Variants in TFAP2D observed in about 807,000 individuals in gnomAD.
TFAP2D encodes transcription factor AP-2 delta.
A neutral mutation model predicts 43.6 loss-of-function variants in TFAP2D; 9 were observed. That is an observed-to-expected ratio of 0.21 (90% CI 0.12 to 0.36). TFAP2D has a LOEUF of 0.36. Ranked by LOEUF, TFAP2D falls within the 10% of genes least tolerant of loss-of-function variation. The pLI, the probability that TFAP2D is intolerant of heterozygous loss-of-function variation, is 1.00. For synonymous variants in TFAP2D, 256 were observed against 224.9 expected (o/e 1.14, Z -1.24); for missense variants, 513 against 561.4 (o/e 0.91, Z 0.87).
chr6:50,759,269 A>C (rs770901441), intron 7 of TFAP2D, among the ~76,000 whole-genome samples: 4 of 151,946 alleles, frequency 2.6e-5, no homozygotes, highest in Admixed American at 6.6e-5. Context: ...ACTTGGAATT[A>C]ATTGTCAGGG....
intron 7 of TFAP2D, among the ~76,000 whole-genome samples, chr6:50,770,547 C>A (rs1451271045): frequency 6.6e-6 from 1 of 152,132 alleles, no homozygotes; most frequent in Non-Finnish European, 1.5e-5. Context: ...CCAACAATCT[C>A]TATCATTTAT....
rs561729022 is a variant in TFAP2D at position 50,741,620 on chromosome 6, A to G, written c.884-3487A>G. ...AGAAATACCATTCTATCCTACTTCT[A>G]AAATATGTAATTATTGAAATGATAT... is the stretch of plus-strand genomic sequence containing the variant. On this transcript the variant is annotated intron_variant, in intron 5 of 7. Coordinates refer to ENST00000008391, the MANE Select transcript of TFAP2D (RefSeq NM_172238.4). Among the ~76,000 whole-genome samples, 5 of 152,230 alleles carry G rather than the reference A, an allele frequency of 3.3e-5. No homozygotes were observed. The East Asian group carries it at 9.6e-4, about 29-fold the overall frequency.
Position 50,728,942 on chromosome 6 carries a change from G to C in TFAP2D, c.685G>C (p.Val229Leu), listed in dbSNP as rs768344141. 3.7e-6 allele frequency: 6 copies of C among 1,613,884 alleles called. No individual in the cohort carries two copies. The South Asian group carries it at 6.6e-5, about 18-fold the overall frequency. Reference sequence around the variant, plus strand: ...TCTTAGTTCTACTTCCAAATACAAGGTGACCATTGCTGAGGTAAAGAGGCG... The same window carrying C: ...TCTTAGTTCTACTTCCAAATACAAGCTGACCATTGCTGAGGTAAAGAGGCG... ...SLLSSTSKYKVTIAEVKRRLS... is the reference protein window; with the variant it reads ...SLLSSTSKYKLTIAEVKRRLS... Residue 229 changes from valine (V) to leucine (L), a missense_variant, in exon 4 of 8, where the codon GTG becomes CTG. By Grantham distance (32) the Val-to-Leu change is conservative. Coordinates refer to ENST00000008391, the MANE Select transcript of TFAP2D (RefSeq NM_172238.4).
Position 50,772,980 on chromosome 6 carries a change from T to G in TFAP2D, c.*116T>G. On this transcript the variant is annotated 3_prime_UTR_variant, in exon 8 of 8. Coordinates refer to ENST00000008391, the MANE Select transcript of TFAP2D (RefSeq NM_172238.4). ...CCAAATCTCTACCCTTCCCCAACCC[T>G]CCATAAAAAAACAAAAATGGAAATG... The G allele has an allele frequency of 1.2e-6, 1 of 814,690 alleles. No individual in the cohort carries two copies. The highest frequency in any genetic ancestry group is 1.6e-6 in the Non-Finnish European group (1 of 609,220). The allele number at this position is 814,690 out of a possible 1,614,324, so 50.5% of individuals were successfully genotyped here.
intron 1 of TFAP2D, among the ~76,000 whole-genome samples, chr6:50,714,641 T>A (rs1375736917): frequency 6.6e-6 from 1 of 152,156 alleles, no homozygotes; most frequent in Non-Finnish European, 1.5e-5. Flanking sequence ...CATCTCGGCA[T>A]AGACAGGCGC....
chr6:50,764,280 G>T (rs1253887024), intron 7 of TFAP2D, among the ~76,000 whole-genome samples: 1 of 151,918 alleles, frequency 6.6e-6, no homozygotes, highest in African/African-American at 2.4e-5. Context: ...TTATACTATT[G>T]CCAGCTTTAA....
At chr6:50,728,032 G>A (rs547468361) in intron 3 of TFAP2D, among the ~76,000 whole-genome samples, 45 of 152,244 alleles carry the variant, frequency 3.0e-4, no homozygotes, top group African/African-American at 9.1e-4. Flanking sequence ...CTGGAGCTTG[G>A]AGACAGAAAG....
At chr6:50,737,758 G>C (rs79882599) in intron 5 of TFAP2D, among the ~76,000 whole-genome samples, 7,630 of 151,996 alleles carry the variant, frequency 0.05, 645 homozygotes, top group African/African-American at 0.17. Context: ...CTTTTAAAAA[G>C]TCGTGGTATT....
chr6:50,759,518 C>T (rs1457284618), intron 7 of TFAP2D, among the ~76,000 whole-genome samples: 1 of 152,002 alleles, frequency 6.6e-6, no homozygotes, highest in Non-Finnish European at 1.5e-5. Context: ...TCAACTTGCT[C>T]ATCTTAAAAC....
At chr6:50,742,954 AACACACACACAC>A (rs3060372) in intron 5 of TFAP2D, among the ~76,000 whole-genome samples, 4,552 of 139,690 alleles carry the variant, frequency 0.033, 233 homozygotes, top group African/African-American at 0.11. Flanking sequence ...ACGACTTTAA[AACACACACACAC>A]ACACACACAC....
At chr6:50,769,276 G>A (rs1242853531) in intron 7 of TFAP2D, among the ~76,000 whole-genome samples, 1 of 152,136 alleles carries the variant, frequency 6.6e-6, no homozygotes, top group Non-Finnish European at 1.5e-5. Context: ...CTCTTAAATT[G>A]AAGCTTAGAG....
intron 2 of TFAP2D, among the ~76,000 whole-genome samples, chr6:50,715,992 C>G (rs1341947830): frequency 1.1e-4 from 16 of 152,036 alleles, no homozygotes; most frequent in Admixed American, 1.0e-3. Context: ...GTTGGGCCAA[C>G]CGGACTCAGA....
chr6:50,747,317 A>G (rs1014711073), intron 6 of TFAP2D, among the ~76,000 whole-genome samples: 1 of 152,138 alleles, frequency 6.6e-6, no homozygotes, highest in African/African-American at 2.4e-5. Flanking sequence ...CAAGAGAATT[A>G]TACAGTACTA....
At chr6:50,734,247 C>G (rs892039640) in intron 5 of TFAP2D, among the ~76,000 whole-genome samples, 1 of 151,946 alleles carries the variant, frequency 6.6e-6, no homozygotes, top group Non-Finnish European at 1.5e-5. Flanking sequence ...AACCCTTTGC[C>G]TGGTACTCCT....
chr6:50,739,499 C>G (rs1018336513), intron 5 of TFAP2D, among the ~76,000 whole-genome samples: 3 of 152,088 alleles, frequency 2.0e-5, no homozygotes, highest in Non-Finnish European at 2.9e-5. Flanking sequence ...GGTTCCAAGT[C>G]TTTGCTATTG....
chr6:50,749,861 G>C (rs1769177226), intron 6 of TFAP2D, among the ~76,000 whole-genome samples: 1 of 151,842 alleles, frequency 6.6e-6, no homozygotes, highest in Non-Finnish European at 1.5e-5. Flanking sequence ...TTAGGAAGGG[G>C]ATGTGAAGTA....
chr6:50,756,387 C>G (rs1769266039), intron 7 of TFAP2D, among the ~76,000 whole-genome samples: 1 of 151,998 alleles, frequency 6.6e-6, no homozygotes, highest in African/African-American at 2.4e-5. Context: ...CTAATTAACA[C>G]CATCAACTTG....
At chr6:50,718,492 C>T (rs1046577046) in intron 2 of TFAP2D, among the ~76,000 whole-genome samples, 1 of 152,176 alleles carries the variant, frequency 6.6e-6, no homozygotes, top group African/African-American at 2.4e-5. Flanking sequence ...AATCAGCAAA[C>T]TCTTTCCATC....
Position 50,714,104 on chromosome 6 carries a change from C to CTTTTTTTTTTTTTTTTT in TFAP2D, c.39+14_39+30dup, listed in dbSNP as rs71305731. On this transcript the variant is annotated intron_variant, in intron 1 of 7. Coordinates refer to ENST00000008391, the MANE Select transcript of TFAP2D (RefSeq NM_172238.4). ...AGTCCACGATGCCGAGGTATTATTA[C>CTTTTTTTTTTTTTTTTT]TTTTTTTTTTTTTTTTTTTTGAGCG... 9.0e-7 allele frequency: 1 copy of CTTTTTTTTTTTTTTTTT among 1,106,710 alleles called. No individual in the cohort carries two copies. The highest frequency in any genetic ancestry group is 1.2e-6 in the Non-Finnish European group (1 of 842,500). 68.6% of individuals were successfully genotyped at this position (1,106,710 alleles called of 1,614,324 possible).
Sources: gnomAD v4.1 joint callset for allele counts (sites outside exome capture counted in the v4.1 genomes callset) on GRCh38, gnomAD v4.1.1 for gene constraint, MANE v1.5 for transcripts, NCBI Gene and HGNC (gene_info 2026-07-23, HGNC 2026-07-21) for gene names.